TNN: variants seen among roughly 807,000 people sequenced by gnomAD.
TNN encodes tenascin N.
TNN carries 122 observed loss-of-function variants against 134.4 expected under a neutral mutation model. The observed-to-expected ratio is 0.91, with a 90% CI of 0.78 to 1.06. The LOEUF is 1.06. TNN is among the 50% of genes least tolerant of loss of function. TNN has a pLI of 0.00. For missense variants in TNN, 1,739 were observed against 1,699.4 expected, an observed-to-expected ratio of 1.02 and a Z score of -0.41; for synonymous variants, 710 against 670.3, an observed-to-expected ratio of 1.06 and a Z score of -0.91.
chr1:175,097,993 G>A (rs551603999), intron 8 of TNN, among the ~76,000 whole-genome samples: 2 of 152,334 alleles, frequency 1.3e-5, no homozygotes, highest in African/African-American at 4.8e-5. Flanking sequence ...GCTCATCAGT[G>A]AAGTAGCCCT....
intron 6 of TNN, among the ~76,000 whole-genome samples, chr1:175,087,228 T>C (rs1490676118): frequency 6.6e-6 from 1 of 152,210 alleles, no homozygotes. Flanking sequence ...TCTCCAAAGA[T>C]GATTTTGAGG....
chr1:175,073,953 G>A (rs1198879222), intron 1 of TNN, among the ~76,000 whole-genome samples: 1 of 146,778 alleles, frequency 6.8e-6, no homozygotes, highest in Admixed American at 6.6e-5. Flanking sequence ...CCTCTTGGTA[G>A]CTCTAACATG....
Position 175,128,084 on chromosome 1 carries a change from A to G in TNN, c.3098A>G (p.Gln1033Arg), listed in dbSNP as rs768119784. 1 of 1,613,976 alleles carries G rather than the reference A, an allele frequency of 6.2e-7. No homozygotes were observed. Among genetic ancestry groups the G allele is most frequent in the African/African-American group, 1.3e-5 (1 of 74,922 alleles). ...AGGTTTGCGTTGCAAGGCCTTGAGC[A>G]AGGCGCCACCTACCCTGTCTCCCTT... The part of the protein sequence containing the change: ...DQRFALQGLE[Q>R]GATYPVSLVA... The change falls in exon 14 of 19, where the codon CAA becomes CGA. Residue 1033 changes from glutamine (Q) to arginine (R), a missense_variant. Coordinates refer to ENST00000239462, the MANE Select transcript of TNN (RefSeq NM_022093.2).
intron 17 of TNN, among the ~76,000 whole-genome samples, chr1:175,137,304 A>G (rs1175596376): frequency 1.3e-5 from 2 of 151,128 alleles, no homozygotes; most frequent in Non-Finnish European, 2.9e-5. Context: ...CAATTTCTTG[A>G]TGCTTGTCAG....
In TNN at chr1:175,118,767, G is replaced by T. The variant is rs370294858; in HGVS notation, c.2593G>T (p.Val865Leu). ...GCCGGGCATGGAGTACACGGTGCAC[G>T]TGTGGGCCCAGAAGGGGAACCAGGA... ...LRPGMEYTVHVWAQKGNQESK... is the reference protein window; with the variant it reads ...LRPGMEYTVHLWAQKGNQESK... The change falls in exon 11 of 19, where the codon GTG (valine) becomes TTG (leucine). Residue 865 changes from valine (V) to leucine (L), a missense_variant. Coordinates refer to ENST00000239462, the MANE Select transcript of TNN (RefSeq NM_022093.2). 9 of 1,614,246 alleles carry T rather than the reference G, an allele frequency of 5.6e-6. No homozygotes were observed. Among genetic ancestry groups the T allele is most frequent in the Non-Finnish European group, 7.6e-6 (9 of 1,180,052 alleles).
At chr1:175,107,231 G>A (rs1011383991) in intron 9 of TNN, among the ~76,000 whole-genome samples, 4 of 145,426 alleles carry the variant, frequency 2.8e-5, no homozygotes, top group Non-Finnish European at 6.1e-5. Flanking sequence ...GTTCAGATGT[G>A]TTTGGAGTTT....
chr1:175,127,717 A>G (rs1258126523), intron 13 of TNN, among the ~76,000 whole-genome samples: 1 of 152,126 alleles, frequency 6.6e-6, no homozygotes, highest in African/African-American at 2.4e-5. Context: ...CAATGTAGCC[A>G]CTATAGTTAG....
At position 175,118,600 on chromosome 1, in the gene TNN, CAG is replaced by C. The variant is rs1675253053; in HGVS notation, c.2430_2431del (p.Asn811TyrfsTer14). On this transcript the variant is annotated frameshift_variant, in exon 11 of 19. Coordinates refer to ENST00000239462, the MANE Select transcript of TNN (RefSeq NM_022093.2). LOFTEE classifies it high-confidence loss of function. ...CAAAACCTGGTCACTGACTGGGTGA[CAG>C]AGAATACAGCCACTGTCTCCTGGGA... The C allele has an allele frequency of 2.5e-6, 4 of 1,613,930 alleles. No individual in the cohort carries two copies. The African/African-American group carries it at 5.3e-5, about 22-fold the overall frequency.
rs960547303 is a variant in TNN, at chr1:175,104,192, G to A, written c.2119+5597G>A. 3.4e-4 allele frequency among the ~76,000 whole-genome samples: 50 copies of A among 146,058 alleles called. 8 individuals are homozygous for A. The highest frequency in any genetic ancestry group is 3.3e-4 in the Non-Finnish European group (22 of 65,788). ...GATTCCTCGGATGGTAACAGACCTTGAGGACAGTTGTCTAGGACAGGAGAT... is the reference window on the plus strand; with the variant it reads ...GATTCCTCGGATGGTAACAGACCTTAAGGACAGTTGTCTAGGACAGGAGAT... On this transcript the variant is annotated intron_variant, in intron 9 of 18. Transcript: ENST00000239462.
chr1:175,134,551 C>T (rs12070562), intron 15 of TNN, among the ~76,000 whole-genome samples: 2 of 149,248 alleles, frequency 1.3e-5, no homozygotes, highest in African/African-American at 4.9e-5. Context: ...TCTCAAAAAA[C>T]AAACAAACAA....
intron 9 of TNN, 59 bp from the exon 10 acceptor site, chr1:175,116,880 A>G: frequency 1.9e-6 from 3 of 1,611,042 alleles, no homozygotes; most frequent in Non-Finnish European, 2.5e-6. Context: ...TAAAATGCCC[A>G]GATCTCACTC....
chr1:175,111,920 G>A (rs1429927192), intron 9 of TNN, among the ~76,000 whole-genome samples: 1 of 151,914 alleles, frequency 6.6e-6, no homozygotes, highest in Non-Finnish European at 1.5e-5. Flanking sequence ...CTATATATGA[G>A]ATCATGTTAT....
At chr1:175,109,746 A>G (rs558514231) in intron 9 of TNN, among the ~76,000 whole-genome samples, 24 of 150,982 alleles carry the variant, frequency 1.6e-4, no homozygotes, top group African/African-American at 5.6e-4. Context: ...AAATTTCCTT[A>G]TCCATCCACT....
chr1:175,073,336 G>T (rs559301241), intron 1 of TNN, among the ~76,000 whole-genome samples: 1 of 152,110 alleles, frequency 6.6e-6, no homozygotes, highest in Non-Finnish European at 1.5e-5. Context: ...TGTGATGAAC[G>T]TCTAAGGATG....
At chr1:175,118,431 A>G in intron 10 of TNN, 130 bp from the exon 11 acceptor site, 1 of 1,156,484 alleles carries the variant, frequency 8.6e-7, no homozygotes, top group Non-Finnish European at 1.2e-6. Flanking sequence ...ACAGCTAAAA[A>G]TGAAACAAGA....
At chr1:175,142,971 C>A (rs1675974107) in intron 17 of TNN, among the ~76,000 whole-genome samples, 1 of 152,052 alleles carries the variant, frequency 6.6e-6, no homozygotes, top group African/African-American at 2.4e-5. Flanking sequence ...TCTGGGAACC[C>A]CACTTGAAGA....
intron 1 of TNN, among the ~76,000 whole-genome samples, chr1:175,075,592 G>A (rs998053075): frequency 2.0e-5 from 3 of 152,140 alleles, no homozygotes; most frequent in Non-Finnish European, 4.4e-5. Context: ...CACCGTGCCC[G>A]GCCAGCATTA....
intron 15 of TNN, among the ~76,000 whole-genome samples, chr1:175,131,587 C>T (rs1286223036): frequency 6.6e-6 from 1 of 151,970 alleles, no homozygotes; most frequent in Non-Finnish European, 1.5e-5. Context: ...ATAAATGATC[C>T]CTGTGGGTCA....
rs566191568 is a variant in TNN at position 175,083,520 on chromosome 1, G to A, written c.1049-230G>A. On this transcript the variant is annotated intron_variant, in intron 4 of 18. Coordinates refer to ENST00000239462, the MANE Select transcript of TNN (RefSeq NM_022093.2). Reference sequence around the variant, plus strand: ...ACCACATGGCCTCTGATGGGATGGGGAAGTGGAGGCTTTCCCAAAAGACAG... The same window carrying A: ...ACCACATGGCCTCTGATGGGATGGGAAAGTGGAGGCTTTCCCAAAAGACAG... Among the ~76,000 whole-genome samples, 509 of 152,302 alleles carry A rather than the reference G, an allele frequency of 3.3e-3. 4 individuals are homozygous for A. Among genetic ancestry groups the A allele is most frequent in the African/African-American group, 0.01 (436 of 41,558 alleles).
Sources: gnomAD v4.1 joint callset for allele counts (sites outside exome capture counted in the v4.1 genomes callset) on GRCh38, gnomAD v4.1.1 for gene constraint, MANE v1.5 for transcripts, NCBI Gene and HGNC (gene_info 2026-07-23, HGNC 2026-07-21) for gene names.